Variants in CHM observed in about 807,000 individuals in gnomAD.
The protein encoded by CHM is rab proteins geranylgeranyltransferase component A 1.
Under a neutral mutation model 49.0 loss-of-function variants are expected in CHM, and 10 were observed. That is an observed-to-expected ratio of 0.20 (90% CI 0.13 to 0.35). The LOEUF is 0.35. CHM is among the 10% of genes least tolerant of loss of function. The pLI is 1.00. For synonymous variants in CHM, 184 were observed against 167.5 expected (o/e 1.10, Z -0.76); for missense variants, 455 against 478.4 (o/e 0.95, Z 0.46).
intron 8 of CHM, among the ~76,000 whole-genome samples, chrX:85,945,992 C>A (rs1343844750): frequency 2.7e-5 from 3 of 111,921 alleles, no homozygotes; most frequent in Admixed American, 9.4e-5. Flanking sequence ...TCCGGGGGAT[C>A]TGTGGAAGCT....
At chrX:85,906,817 T>A (rs988562647) in intron 9 of CHM, among the ~76,000 whole-genome samples, 16 of 112,208 alleles carry the variant, frequency 1.4e-4, no homozygotes, top group Admixed American at 1.4e-3. Flanking sequence ...ATTCTATTCA[T>A]TACTAACTTC....
At chrX:86,040,468 G>A (rs944831932) in intron 1 of CHM, among the ~76,000 whole-genome samples, 4 of 112,376 alleles carry the variant, frequency 3.6e-5, no homozygotes, top group Non-Finnish European at 3.8e-5. Context: ...AGTTGAAAGC[G>A]GTGGGCTGAG....
intron 8 of CHM, among the ~76,000 whole-genome samples, chrX:85,919,960 T>C (rs1927677396): frequency 9.0e-6 from 1 of 111,483 alleles, no homozygotes. Flanking sequence ...TGAGTATTGA[T>C]ATAAAGACTC....
intron 5 of CHM, among the ~76,000 whole-genome samples, chrX:85,962,769 G>T (rs760149873): frequency 4.6e-4 from 51 of 111,344 alleles, no homozygotes; most frequent in African/African-American, 1.5e-3. Context: ...TTATCTTACT[G>T]ATTTTCTATT....
rs199915149 is a variant in CHM, at chrX:85,995,730, CAAGT to C, written c.117-13925_117-13922del. Among the ~76,000 whole-genome samples the C allele has an allele frequency of 7.7e-3, 863 of 111,801 alleles. 27 individuals are homozygous for C. In the East Asian group the frequency reaches 0.092, roughly 12 times the overall value. On this transcript the variant is annotated intron_variant, in intron 2 of 14. Coordinates refer to ENST00000357749, the MANE Select transcript of CHM (RefSeq NM_000390.4). Reference sequence around the variant, plus strand: ...ACTTGTAAAATACCTAGTAGAGCACCAAGTAACTGTTCAGTAAATGGTAGCTATT... The same window carrying C: ...ACTTGTAAAATACCTAGTAGAGCACCAACTGTTCAGTAAATGGTAGCTATT...
At chrX:86,000,775 C>T (rs1932678551) in intron 2 of CHM, among the ~76,000 whole-genome samples, 1 of 110,668 alleles carries the variant, frequency 9.0e-6, no homozygotes, top group Non-Finnish European at 1.9e-5. Context: ...TGTTCTCACT[C>T]ATATGTCGGA....
intron 8 of CHM, among the ~76,000 whole-genome samples, chrX:85,947,464 G>A (rs1173266172): frequency 9.0e-6 from 1 of 111,592 alleles, no homozygotes; most frequent in Admixed American, 9.5e-5. Flanking sequence ...CATGTGACAT[G>A]TCTGCTGCCC....
chrX:86,040,441 T>A (rs1934416164), intron 1 of CHM, among the ~76,000 whole-genome samples: 1 of 112,479 alleles, frequency 8.9e-6, no homozygotes, highest in Non-Finnish European at 1.9e-5. Context: ...TTCACTCACG[T>A]GCTCCCTCCT....
intron 1 of CHM, among the ~76,000 whole-genome samples, chrX:86,033,682 T>G (rs1456936616): frequency 8.9e-6 from 1 of 112,002 alleles, no homozygotes; most frequent in African/African-American, 3.2e-5. Flanking sequence ...AATTCTATAA[T>G]AAATATTTAC....
rs182540210 is a variant in CHM at position 85,870,580 on chromosome X, C to T, written c.1770+2472G>A. ...TCTTATTCCCATGGTAGTGACATCT[C>T]CAAGAGGGTGGGGCTCCTGAAGGAG... On this transcript the variant is annotated intron_variant, in intron 14 of 14. Transcript: ENST00000357749. Among the ~76,000 whole-genome samples, 3 of 111,752 alleles carry T rather than the reference C, an allele frequency of 2.7e-5. No homozygotes were observed. The Admixed American group carries it at 2.9e-4, about 11-fold the overall frequency.
intron 14 of CHM, among the ~76,000 whole-genome samples, chrX:85,865,466 C>T (rs1356004400): frequency 1.8e-5 from 2 of 111,803 alleles, no homozygotes; most frequent in Non-Finnish European, 3.8e-5. Flanking sequence ...ATTACCTAGT[C>T]TCAGGTAGTA....
chrX:85,888,867 T>C, intron 12 of CHM, among the ~76,000 whole-genome samples: 1 of 112,205 alleles, frequency 8.9e-6, no homozygotes, highest in Admixed American at 9.4e-5. Context: ...GAAAATGCTA[T>C]CACAGACATG....
At chrX:86,046,417 T>C (rs1339374704) in intron 1 of CHM, among the ~76,000 whole-genome samples, 2 of 112,403 alleles carry the variant, frequency 1.8e-5, no homozygotes, top group Non-Finnish European at 3.8e-5. Context: ...GTAAAGTGCT[T>C]AGCACAGTGA....
At chrX:85,947,721 A>G (rs747586278) in intron 8 of CHM, among the ~76,000 whole-genome samples, 5 of 112,294 alleles carry the variant, frequency 4.5e-5, no homozygotes, top group African/African-American at 1.6e-4. Flanking sequence ...ATAAATAAAT[A>G]AATGAAAGCT....
intron 2 of CHM, among the ~76,000 whole-genome samples, chrX:86,026,407 A>G (rs1157114478): frequency 9.1e-6 from 1 of 110,024 alleles, no homozygotes; most frequent in South Asian, 3.9e-4. Context: ...GCTGGGTTAC[A>G]GGCATGAGCC....
intron 14 of CHM, among the ~76,000 whole-genome samples, chrX:85,866,465 GAAC>G (rs1923703676): frequency 1.8e-5 from 2 of 112,887 alleles, no homozygotes; most frequent in South Asian, 7.2e-4. Flanking sequence ...CCCTCATGGA[GAAC>G]CTCTGCTAGG....
intron 9 of CHM, among the ~76,000 whole-genome samples, chrX:85,908,172 A>G (rs894750934): frequency 1.8e-5 from 2 of 112,502 alleles, no homozygotes; most frequent in Admixed American, 9.4e-5. Context: ...AATTATACTT[A>G]GAACATAACA....
chrX:85,975,999 A>G (rs1412983054), intron 4 of CHM, among the ~76,000 whole-genome samples: 2 of 112,437 alleles, frequency 1.8e-5, no homozygotes, highest in Non-Finnish European at 3.8e-5. Context: ...TCAAGAGGAA[A>G]TAAGAGAATT....
intron 2 of CHM, among the ~76,000 whole-genome samples, chrX:85,987,403 G>T (rs1477719508): frequency 2.7e-5 from 3 of 111,598 alleles, no homozygotes; most frequent in Non-Finnish European, 5.6e-5. Context: ...AACATTAAGG[G>T]CAGCTAGAGA....
Sources: gnomAD v4.1 joint callset for allele counts (sites outside exome capture counted in the v4.1 genomes callset) on GRCh38, gnomAD v4.1.1 for gene constraint, MANE v1.5 for transcripts, NCBI Gene and HGNC (gene_info 2026-07-23, HGNC 2026-07-21) for gene names.